Variants in DNAH14 observed in about 807,000 individuals in gnomAD.
The protein encoded by DNAH14 is axonemal beta dynein heavy chain 14.
Under a neutral mutation model 520.9 loss-of-function variants are expected in DNAH14, and 478 were observed. The observed-to-expected ratio is 0.92, with a 90% confidence interval of 0.85 to 0.99. DNAH14 has a LOEUF of 0.99. Among genes scored for constraint, DNAH14 ranks in the 50% least tolerant of loss-of-function variants. The probability of loss-of-function intolerance (pLI) is 0.00; values close to 1 mark genes in which losing one functional copy is unlikely to be tolerated. For missense variants in DNAH14, 4,831 were observed against 5,234.5 expected, an observed-to-expected ratio of 0.92 and a Z score of 2.38; for synonymous variants, 1,581 against 1,757.2, an observed-to-expected ratio of 0.90 and a Z score of 2.51.
rs1024186024 is a variant in DNAH14 at position 225,346,167 on chromosome 1, G to T, written c.10884G>T (p.Gln3628His). Residue 3628 changes from glutamine (Q) to histidine (H), a missense_variant, in exon 70 of 86, where the codon CAG (glutamine) becomes CAT (histidine). Coordinates refer to ENST00000682510, the MANE Select transcript of DNAH14 (RefSeq NM_001367479.1). The stretch of plus-strand genomic sequence containing the variant: ...TCACACAAATCAACTACATGTACCA[G>T]TTCTCCCTAGACTGGTTTCATCAGG... ...ADLTQINYMY[Q>H]FSLDWFHQVF... 6.4e-7 allele frequency: 1 copy of T among 1,551,606 alleles called. No individual in the cohort carries two copies.
chr1:225,261,152 C>T (rs1016029042), intron 46 of DNAH14, among the ~76,000 whole-genome samples: 6 of 152,116 alleles, frequency 3.9e-5, no homozygotes, highest in Non-Finnish European at 5.9e-5. Flanking sequence ...CCTAATTGCT[C>T]TGGCTAGGAC....
intron 17 of DNAH14, among the ~76,000 whole-genome samples, chr1:225,071,342 G>A (rs1472921119): frequency 5.9e-5 from 9 of 152,044 alleles, no homozygotes; most frequent in Admixed American, 5.9e-4. Context: ...TTATATTAAT[G>A]CTTCCTTTAG....
At chr1:224,979,017 C>A (rs1300209320) in intron 8 of DNAH14, among the ~76,000 whole-genome samples, 2 of 152,078 alleles carry the variant, frequency 1.3e-5, no homozygotes, top group African/African-American at 4.8e-5. Context: ...GCTAATTACC[C>A]TGATTTACTA....
intron 76 of DNAH14, 61 bp from the exon 77 acceptor site, chr1:225,367,744 C>T (rs752166514): frequency 8.5e-7 from 1 of 1,175,290 alleles, no homozygotes; most frequent in East Asian, 2.5e-5. Context: ...AAGACAAGTG[C>T]CCTGAAGACC....
At chr1:225,298,871 G>A (rs1027556048) in intron 55 of DNAH14, among the ~76,000 whole-genome samples, 1 of 152,180 alleles carries the variant, frequency 6.6e-6, no homozygotes, top group South Asian at 2.1e-4. Flanking sequence ...CGGGGCTGGG[G>A]GATTCTTCTG....
chr1:225,305,064 C>T lies in DNAH14; in HGVS notation c.8980C>T (p.Arg2994Ter), dbSNP rs1034955641. 37 of 1,536,252 alleles carry T rather than the reference C, an allele frequency of 2.4e-5. No individual in the cohort carries two copies. Among genetic ancestry groups the T allele is most frequent in the African/African-American group, 2.1e-4 (15 of 71,942 alleles). Residue 2994 changes from arginine to a stop codon, truncating the protein, a stop_gained, in exon 58 of 86, where the codon CGA (arginine) becomes TGA (stop). Coordinates refer to ENST00000682510, the MANE Select transcript of DNAH14 (RefSeq NM_001367479.1). LOFTEE classifies it high-confidence loss of function. ...METFAHILRA[R>*]EEEMQTKRDR... ...AACATTTGCACACATTTTGAGGGCA[C>T]GAGAGGAAGAGATGCAAACAAAGAG...
rs369979578 is a variant in DNAH14, at chr1:224,940,998, T to C, written c.-34+11163T>C. ...TAACGTACCTGTGCATGTGTCTTTA[T>C]AGCAGCATGTTTTATAATCCTTTGG... On this transcript the variant is annotated intron_variant, in intron 1 of 85. Coordinates refer to ENST00000682510, the MANE Select transcript of DNAH14 (RefSeq NM_001367479.1). Among the ~76,000 whole-genome samples, 18 of 152,338 alleles carry C rather than the reference T, an allele frequency of 1.2e-4. No individual in the cohort carries two copies. In the South Asian group the frequency reaches 3.3e-3, roughly 28 times the overall value.
intron 8 of DNAH14, among the ~76,000 whole-genome samples, chr1:224,982,307 G>A (rs1047264803): frequency 6.6e-6 from 1 of 152,318 alleles, no homozygotes; most frequent in African/African-American, 2.4e-5. Flanking sequence ...CAGGCAGTCT[G>A]ACACTCAGCT....
chr1:225,192,601 G>C lies in DNAH14; in HGVS notation c.5671-95G>C, dbSNP rs577607380. On this transcript the variant is annotated intron_variant, in intron 37 of 85. Coordinates refer to ENST00000682510, the MANE Select transcript of DNAH14 (RefSeq NM_001367479.1). ...ATAAAATCTTTTTTTGGTGTGAAAGGTTTCTCCTATAACCTTTTAATAATA... is the reference window on the plus strand; with the variant it reads ...ATAAAATCTTTTTTTGGTGTGAAAGCTTTCTCCTATAACCTTTTAATAATA... 3 of 829,790 alleles carry C rather than the reference G, an allele frequency of 3.6e-6. No homozygotes were observed. In the East Asian group the frequency reaches 8.3e-5, roughly 23 times the overall value. The allele number at this position is 829,790 out of a possible 1,614,324, so 51.4% of individuals were successfully genotyped here.
chr1:224,963,199 A>G (rs2060950755), intron 4 of DNAH14, among the ~76,000 whole-genome samples: 1 of 152,108 alleles, frequency 6.6e-6, no homozygotes, highest in African/African-American at 2.4e-5. Context: ...TATGTAGGTT[A>G]TAAACATCTT....
chr1:225,362,711 AAAAG>A (rs992485542), intron 75 of DNAH14, among the ~76,000 whole-genome samples: 1 of 152,196 alleles, frequency 6.6e-6, no homozygotes, highest in African/African-American at 2.4e-5. Flanking sequence ...AAAAAAAAGA[AAAAG>A]AAATTCATAC....
At chr1:225,013,996 G>A (rs1205025886) in intron 10 of DNAH14, among the ~76,000 whole-genome samples, 1 of 152,032 alleles carries the variant, frequency 6.6e-6, no homozygotes. Flanking sequence ...AGGTGCCACT[G>A]GGGTATGAAA....
intron 46 of DNAH14, 54 bp from the exon 47 acceptor site, chr1:225,264,143 A>G (rs2093033432): frequency 6.5e-6 from 9 of 1,393,266 alleles, no homozygotes; most frequent in Middle Eastern, 1.8e-4. Context: ...GTTGTTTAAT[A>G]TACCTATTAT....
intron 54 of DNAH14, among the ~76,000 whole-genome samples, chr1:225,286,948 A>T (rs1558270551): frequency 6.6e-6 from 1 of 152,228 alleles, no homozygotes. Flanking sequence ...TGAATTTCAA[A>T]GGTATATTGC....
intron 84 of DNAH14, among the ~76,000 whole-genome samples, chr1:225,395,540 A>C (rs540341556): frequency 1.1e-4 from 16 of 150,814 alleles, no homozygotes; most frequent in Non-Finnish European, 2.1e-4. Flanking sequence ...TGCAGTGAGC[A>C]GAGATCGCGC....
chr1:225,144,403 G>A lies in DNAH14; in HGVS notation c.4515G>A (p.Leu1505=). The A allele has an allele frequency of 6.5e-7, 1 of 1,547,554 alleles. No individual in the cohort carries two copies. The highest frequency in any genetic ancestry group is 2.0e-5 in the Admixed American group (1 of 50,856). ...NAEDFEWTRH[L]QYKWNEKQKL... is the part of the protein sequence containing the mutation. ...TTTAAAATTTGGCTTTCAGACATTTGCAATATAAATGGAATGAAAAACAAA... is the reference window on the plus strand; with the variant it reads ...TTTAAAATTTGGCTTTCAGACATTTACAATATAAATGGAATGAAAAACAAA... The change falls in exon 29 of 86, where the codon TTG becomes TTA. Residue 1505 remains leucine, a synonymous_variant. Coordinates refer to ENST00000682510, the MANE Select transcript of DNAH14 (RefSeq NM_001367479.1).
chr1:225,128,761 C>T (rs2078052560), intron 27 of DNAH14, among the ~76,000 whole-genome samples: 1 of 152,090 alleles, frequency 6.6e-6, no homozygotes, highest in African/African-American at 2.4e-5. Flanking sequence ...TGGCACAAGA[C>T]AGGGATGCCC....
intron 64 of DNAH14, among the ~76,000 whole-genome samples, chr1:225,325,701 C>G (rs1313853841): frequency 6.6e-6 from 1 of 152,162 alleles, no homozygotes; most frequent in African/African-American, 2.4e-5. Context: ...GAGACGCAAA[C>G]AGGCAAATTC....
intron 19 of DNAH14, among the ~76,000 whole-genome samples, chr1:225,082,197 T>TGC (rs1553434313): frequency 2.0e-5 from 3 of 151,692 alleles, no homozygotes; most frequent in African/African-American, 7.3e-5. Flanking sequence ...TGTGTGTGTG[T>TGC]GCACATGCGC....
Sources: allele counts gnomAD v4.1 joint callset (sites outside exome capture counted in the v4.1 genomes callset), GRCh38; gene constraint gnomAD v4.1.1; transcripts MANE v1.5; gene names NCBI Gene and HGNC (gene_info 2026-07-23, HGNC 2026-07-21).